ZFYVE9: variants seen among roughly 807,000 people sequenced by gnomAD.
ZFYVE9 encodes zinc finger FYVE-type containing 9.
A neutral mutation model predicts 126.7 loss-of-function variants in ZFYVE9; 43 were observed. The observed-to-expected ratio is 0.34, with a 90% CI of 0.27 to 0.44. The LOEUF is 0.44. Ranked by LOEUF, ZFYVE9 falls within the 20% of genes least tolerant of loss-of-function variation. The probability of loss-of-function intolerance (pLI) is 1.00; values close to 1 mark genes in which losing one functional copy is unlikely to be tolerated. For missense variants in ZFYVE9, 1,476 were observed against 1,697.0 expected (o/e 0.87, Z 2.29); for synonymous variants, 521 against 597.4 (o/e 0.87, Z 1.87).
intron 13 of ZFYVE9, among the ~76,000 whole-genome samples, chr1:52,307,752 CTT>C (rs1200929559): frequency 8.6e-5 from 12 of 139,788 alleles, no homozygotes; most frequent in Non-Finnish European, 7.8e-5. Flanking sequence ...CTTTTTTCTT[CTT>C]TTTTTTTTTT....
chr1:52,341,390 C>T (rs1646436367), intron 17 of ZFYVE9, among the ~76,000 whole-genome samples: 1 of 152,144 alleles, frequency 6.6e-6, no homozygotes, highest in Non-Finnish European at 1.5e-5. Context: ...TAGAGGCTCA[C>T]CTGGGAATGA....
chr1:52,287,200 C>T (rs1042961510), intron 10 of ZFYVE9, among the ~76,000 whole-genome samples: 6 of 152,160 alleles, frequency 3.9e-5, no homozygotes, highest in Non-Finnish European at 7.3e-5. Context: ...AGTGATTCTC[C>T]TGCCTCAGCC....
At chr1:52,344,627 G>C (rs189594976) in intron 17 of ZFYVE9, 141 bp from the exon 18 acceptor site, 13 of 815,220 alleles carry the variant, frequency 1.6e-5, no homozygotes, top group Non-Finnish European at 2.4e-5. Context: ...ACTTTTCCTG[G>C]ACCAGGGACT....
intron 2 of ZFYVE9, among the ~76,000 whole-genome samples, chr1:52,217,065 T>C (rs1645078250): frequency 6.6e-6 from 1 of 152,136 alleles, no homozygotes; most frequent in South Asian, 2.1e-4. Context: ...AACCCGCACT[T>C]AGACAGAAAT....
intron 1 of ZFYVE9, among the ~76,000 whole-genome samples, chr1:52,148,947 ATTTTTTTTTTTTTTTTTTTTT>A (rs56300233): frequency 5.8e-5 from 2 of 34,218 alleles, no homozygotes; most frequent in Non-Finnish European, 5.8e-5. Context: ...CCTTAACATG[ATTTTTTTTTTTTTTTTTTTTT>A]TTTTTTTTTT....
intron 2 of ZFYVE9, among the ~76,000 whole-genome samples, chr1:52,230,309 G>A (rs1373325338): frequency 6.6e-6 from 1 of 152,116 alleles, no homozygotes; most frequent in South Asian, 2.1e-4. Context: ...GGCAAACGGA[G>A]TGAACTTCCC....
chr1:52,266,173 C>T (rs1645630635), intron 5 of ZFYVE9, among the ~76,000 whole-genome samples: 1 of 151,904 alleles, frequency 6.6e-6, no homozygotes, highest in Non-Finnish European at 1.5e-5. Flanking sequence ...ACTTGGCTCA[C>T]TGCAAGCTCC....
At chr1:52,153,159 G>A (rs889448106) in intron 1 of ZFYVE9, among the ~76,000 whole-genome samples, 2 of 152,214 alleles carry the variant, frequency 1.3e-5, no homozygotes, top group Non-Finnish European at 2.9e-5. Context: ...GAGGCTGTTA[G>A]CTAACCAAAC....
At chr1:52,277,537 T>C (rs1467923215) in intron 8 of ZFYVE9, among the ~76,000 whole-genome samples, 1 of 152,192 alleles carries the variant, frequency 6.6e-6, no homozygotes. Context: ...GATTTCTCTT[T>C]CCAATAAATA....
At position 52,155,997 on chromosome 1, in the gene ZFYVE9, A is replaced by G. The variant is rs138677034; in HGVS notation, c.-143+13594A>G. ...CATGTACCCCACCAAGTTCTTCAGT[A>G]TGCTAGCCACCTCTTGCTCATCTTG... On this transcript the variant is annotated intron_variant, in intron 1 of 18. Transcript: ENST00000287727. Among the ~76,000 whole-genome samples, 543 of 152,316 alleles carry G rather than the reference A, an allele frequency of 3.6e-3. 2 individuals carry two copies. The highest frequency in any genetic ancestry group is 0.012 in the African/African-American group (515 of 41,574).
At chr1:52,231,485 T>G (rs1400791405) in intron 2 of ZFYVE9, among the ~76,000 whole-genome samples, 1 of 151,660 alleles carries the variant, frequency 6.6e-6, no homozygotes, top group African/African-American at 2.4e-5. Context: ...GCCACTGCAC[T>G]CCAGCCTGGG....
chr1:52,298,716 T>G (rs1478787811), intron 12 of ZFYVE9, among the ~76,000 whole-genome samples: 1 of 152,108 alleles, frequency 6.6e-6, no homozygotes, highest in Non-Finnish European at 1.5e-5. Context: ...GAGATTGCAT[T>G]AAATCTGTAG....
intron 13 of ZFYVE9, among the ~76,000 whole-genome samples, chr1:52,320,566 A>G (rs139730718): frequency 6.6e-6 from 1 of 152,374 alleles, no homozygotes. Flanking sequence ...TTATAATTGT[A>G]TAGCCAGTTG....
rs200235183 is a variant in ZFYVE9 at position 52,238,758 on chromosome 1, A to G, written c.1341A>G (p.Leu447=). The G allele has an allele frequency of 1.3e-4, 213 of 1,614,108 alleles. No homozygotes were observed. The highest frequency in any genetic ancestry group is 1.7e-4 in the Non-Finnish European group (200 of 1,179,976). ...GQCVGLADAG[L]DLKGTCISES... ...GTGTTGGATTGGCAGATGCAGGTCTAGATTTAAAAGGAACTTGCATTAGTG... is the reference window on the plus strand; with the variant it reads ...GTGTTGGATTGGCAGATGCAGGTCTGGATTTAAAAGGAACTTGCATTAGTG... Residue 447 remains leucine (L), a synonymous_variant, in exon 4 of 19, where the codon CTA becomes CTG. Coordinates refer to ENST00000287727, the MANE Select transcript of ZFYVE9 (RefSeq NM_004799.4).
chr1:52,328,777 T>G (rs1384660774), intron 13 of ZFYVE9, among the ~76,000 whole-genome samples: 15 of 152,216 alleles, frequency 9.9e-5, no homozygotes. Context: ...AGAAATCTTC[T>G]AGCTGACTCA....
rs1258166716 is a variant in ZFYVE9, at chr1:52,322,909, A to T, written c.3439-9859A>T. Among the ~76,000 whole-genome samples the T allele has an allele frequency of 3.9e-5, 6 of 151,976 alleles. No homozygotes were observed. The East Asian group carries it at 1.2e-3, about 29-fold the overall frequency. ...AAACTCTGCCTCCCAGGTTCACGCC[A>T]TTCTCCTGCCTCAGCCTCCTGAGTA... On this transcript the variant is annotated intron_variant, in intron 13 of 18. Transcript: ENST00000287727.
intron 1 of ZFYVE9, among the ~76,000 whole-genome samples, chr1:52,152,624 G>T (rs1264058884): frequency 6.6e-6 from 1 of 152,098 alleles, no homozygotes; most frequent in Admixed American, 6.5e-5. Context: ...ACAGTATCCT[G>T]TCTCTCCCAG....
At chr1:52,179,976 T>G (rs1172016934) in intron 1 of ZFYVE9, 4 of 953,264 alleles carry the variant, frequency 4.2e-6, no homozygotes, top group Non-Finnish European at 6.9e-6. Context: ...CGTGACAACA[T>G]AGGAAGATAT....
rs146388748 is a variant in ZFYVE9, at chr1:52,194,001, C to T, written c.-142-22368C>T. Among the ~76,000 whole-genome samples the T allele has an allele frequency of 3.9e-3, 594 of 152,152 alleles. 11 individuals carry two copies. The South Asian group carries it at 0.043, about 11-fold the overall frequency. ...TAAAGTAGTTGTAATCCCAGCTTCT[C>T]GGGCGGCTGAGGCACGAGAATTTCT... is the stretch of plus-strand genomic sequence containing the variant. On this transcript the variant is annotated intron_variant, in intron 1 of 18. Coordinates refer to ENST00000287727, the MANE Select transcript of ZFYVE9 (RefSeq NM_004799.4).
Sources: allele counts gnomAD v4.1 joint callset (sites outside exome capture counted in the v4.1 genomes callset), GRCh38; gene constraint gnomAD v4.1.1; transcripts MANE v1.5; gene names NCBI Gene and HGNC (gene_info 2026-07-23, HGNC 2026-07-21).